The following GRK5 variants were observed in gnomAD, a reference collection of about 807,000 sequenced individuals.
GRK5 encodes the protein G protein-coupled receptor kinase 5.
In GRK5, 40 loss-of-function variants were observed where a neutral mutation model predicts 78.4. The ratio of observed to expected loss-of-function variants is 0.51; its 90% CI spans 0.40 to 0.66. The LOEUF is 0.66. Ranked by LOEUF, GRK5 falls within the 30% of genes least tolerant of loss-of-function variation. The probability of loss-of-function intolerance (pLI) is 0.00; values close to 1 mark genes in which losing one functional copy is unlikely to be tolerated. For synonymous variants in GRK5, 289 were observed against 296.8 expected (o/e 0.97, Z 0.27); for missense variants, 598 against 759.9 (o/e 0.79, Z 2.50).
intron 1 of GRK5, among the ~76,000 whole-genome samples, chr10:119,307,468 G>C (rs1850290173): frequency 6.6e-6 from 1 of 152,150 alleles, no homozygotes; most frequent in East Asian, 1.9e-4. Flanking sequence ...CTGTGAAAAG[G>C]AGTTCAGAGT....
rs141089953 is a variant in GRK5, at chr10:119,351,872, G to A, written c.148+25261G>A. Among the ~76,000 whole-genome samples, 38 of 152,298 alleles carry A rather than the reference G, an allele frequency of 2.5e-4. No homozygotes were observed. In the East Asian group the frequency reaches 7.3e-3, roughly 29 times the overall value. On this transcript the variant is annotated intron_variant, in intron 2 of 15. Transcript: ENST00000392870. ...AAAGAAGTGAAATGATTCATCCAAG[G>A]TCACATGACTAGTAAGTGAGGGAAC...
chr10:119,446,775 G>A (rs1029661892), intron 12 of GRK5, among the ~76,000 whole-genome samples: 5 of 152,164 alleles, frequency 3.3e-5, no homozygotes, highest in Non-Finnish European at 7.4e-5. Flanking sequence ...TGCCACCTTC[G>A]ATTCCTTTGT....
At chr10:119,306,880 C>T (rs1218797750) in intron 1 of GRK5, among the ~76,000 whole-genome samples, 1 of 151,928 alleles carries the variant, frequency 6.6e-6, no homozygotes, top group African/African-American at 2.4e-5. Context: ...TCTTTGGGCT[C>T]GTCTGTACTA....
chr10:119,232,400 T>G (rs539785814), intron 1 of GRK5, among the ~76,000 whole-genome samples: 1 of 152,316 alleles, frequency 6.6e-6, no homozygotes, highest in South Asian at 2.1e-4. Flanking sequence ...AGGAAGAAAC[T>G]CCTAGTGTTC....
At position 119,430,418 on chromosome 10, in the gene GRK5, G is replaced by C; in HGVS notation, c.577G>C (p.Gly193Arg). ...KNTFRQYRVL[G>R]KGGFGEVCAC... is the part of the protein sequence containing the mutation. ...CACTTTCAGGCAGTATCGAGTGCTA[G>C]GAAAAGGGGGCTTCGGGGAGGTGAG... Residue 193 changes from glycine to arginine, a missense_variant, in exon 7 of 16, where the codon GGA (glycine) becomes CGA (arginine). By Grantham distance (125) the Gly-to-Arg change is moderately radical. Coordinates refer to ENST00000392870, the MANE Select transcript of GRK5 (RefSeq NM_005308.3). The surrounding 1 kb of genome is among the most constrained non-coding windows in gnomAD (Gnocchi z 4.5). 1 of 1,611,664 alleles carries C rather than the reference G, an allele frequency of 6.2e-7. No individual in the cohort carries two copies. Among genetic ancestry groups the C allele is most frequent in the Non-Finnish European group, 8.5e-7 (1 of 1,179,310 alleles).
intron 1 of GRK5, among the ~76,000 whole-genome samples, chr10:119,228,639 G>T (rs1466623278): frequency 1.3e-5 from 2 of 151,848 alleles, no homozygotes; most frequent in Non-Finnish European, 2.9e-5. Context: ...AAAGAAAAAA[G>T]AATTATGGAG....
chr10:119,276,697 T>A (rs749212782), intron 1 of GRK5, among the ~76,000 whole-genome samples: 2 of 152,196 alleles, frequency 1.3e-5, no homozygotes, highest in Non-Finnish European at 2.9e-5. Flanking sequence ...AAAAGTGAAA[T>A]CAGAGAGTGT....
intron 1 of GRK5, among the ~76,000 whole-genome samples, chr10:119,218,346 C>T (rs961751770): frequency 6.6e-6 from 1 of 152,128 alleles, no homozygotes; most frequent in African/African-American, 2.4e-5. Flanking sequence ...GATAGAATTA[C>T]CCAACTGCTG....
intron 1 of GRK5, among the ~76,000 whole-genome samples, chr10:119,245,360 A>T (rs958222840): frequency 2.5e-4 from 38 of 152,180 alleles, no homozygotes; most frequent in African/African-American, 8.7e-4. Flanking sequence ...AATAGCCGAG[A>T]GGTGGAAACA....
At chr10:119,281,444 C>G (rs967533055) in intron 1 of GRK5, among the ~76,000 whole-genome samples, 2 of 152,200 alleles carry the variant, frequency 1.3e-5, no homozygotes, top group Non-Finnish European at 2.9e-5. Flanking sequence ...CATTAGGTGT[C>G]GAGCACCCAG....
In GRK5 at chr10:119,217,483, C is replaced by G. The variant is rs1299106251; in HGVS notation, c.52+9514C>G. ...TATGATCGCCTGTGGAGGCCCATTA[C>G]CTGTACTCTCTCGCTGCCTGGGCCC... On this transcript the variant is annotated intron_variant, in intron 1 of 15. Coordinates refer to ENST00000392870, the MANE Select transcript of GRK5 (RefSeq NM_005308.3). The surrounding 1 kb of genome is among the most constrained non-coding windows in gnomAD (Gnocchi z 4.1). Among the ~76,000 whole-genome samples, 1 of 152,208 alleles carries G rather than the reference C, an allele frequency of 6.6e-6. No individual in the cohort carries two copies. The highest frequency in any genetic ancestry group is 1.9e-4 in the East Asian group (1 of 5,186).
chr10:119,453,959 C>G (rs1429495220), intron 15 of GRK5, among the ~76,000 whole-genome samples: 1 of 151,556 alleles, frequency 6.6e-6, no homozygotes, highest in African/African-American at 2.4e-5. Context: ...CCCCACCTCA[C>G]CCCACACCAT....
intron 1 of GRK5, among the ~76,000 whole-genome samples, chr10:119,276,420 G>A (rs1849671447): frequency 6.6e-6 from 1 of 152,200 alleles, no homozygotes; most frequent in Non-Finnish European, 1.5e-5. Context: ...TCCCTACAAA[G>A]GACATGAACT....
chr10:119,311,914 A>ACTTTTTTTTTTT (rs34048341), intron 1 of GRK5, among the ~76,000 whole-genome samples: 1 of 137,814 alleles, frequency 7.3e-6, no homozygotes. Context: ...TGAATTGTTC[A>ACTTTTTTTTTTT]TTTTTTTTTT....
At chr10:119,415,081 C>CAAAAAAAAAAAAAAAAAA (rs762165768) in intron 4 of GRK5, among the ~76,000 whole-genome samples, 2 of 75,714 alleles carry the variant, frequency 2.6e-5, no homozygotes, top group African/African-American at 4.8e-5. Context: ...GACTCTGTCT[C>CAAAAAAAAAAAAAAAAAA]AAAAAAAAAA....
intron 1 of GRK5, among the ~76,000 whole-genome samples, chr10:119,209,376 T>C (rs555621799): frequency 6.8e-4 from 104 of 152,274 alleles, no homozygotes; most frequent in African/African-American, 2.4e-3. Flanking sequence ...GTTTAAAATA[T>C]TCAGGTTAGT....
chr10:119,440,885 A>G (rs1373599593), intron 10 of GRK5, among the ~76,000 whole-genome samples: 1 of 152,154 alleles, frequency 6.6e-6, no homozygotes, highest in African/African-American at 2.4e-5. Context: ...ACCTGCACAG[A>G]GAAGGGCAAG....
intron 1 of GRK5, among the ~76,000 whole-genome samples, chr10:119,309,733 T>G (rs1210982828): frequency 6.6e-6 from 1 of 152,230 alleles, no homozygotes; most frequent in Non-Finnish European, 1.5e-5. Context: ...CAGGTGCCTC[T>G]GTGCTGTGCT....
At position 119,452,556 on chromosome 10, in the gene GRK5, CT is replaced by C; in HGVS notation, c.1405-114del. On this transcript the variant is annotated intron_variant, in intron 13 of 15. Transcript: ENST00000392870. The surrounding 1 kb of genome is among the most constrained non-coding windows in gnomAD (Gnocchi z 4.4). ...CCTCCAGCCACTACCCATAGCAGTT[CT>C]GGGGGTGTGTCCTGGGAAGACTCCC... The C allele has an allele frequency of 8.0e-7, 1 of 1,251,264 alleles. No individual in the cohort carries two copies. The highest frequency in any genetic ancestry group is 1.1e-6 in the Non-Finnish European group (1 of 893,246). The allele number at this position is 1,251,264 out of a possible 1,614,324, so 77.5% of individuals were successfully genotyped here.
Sources: allele counts gnomAD v4.1 joint callset (sites outside exome capture counted in the v4.1 genomes callset), GRCh38; gene constraint gnomAD v4.1.1; non-coding constraint Gnocchi (gnomAD v3.1); transcripts MANE v1.5; gene names NCBI Gene and HGNC (gene_info 2026-07-23, HGNC 2026-07-21).